Variants in KIAA1217 observed in about 807,000 individuals in gnomAD.
KIAA1217 encodes the protein KIAA1217, also known as sickle tail protein homolog.
In KIAA1217, 88 loss-of-function variants were observed where a neutral mutation model predicts 163.9. The observed-to-expected ratio is 0.54, with a 90% CI of 0.45 to 0.64. The LOEUF is 0.64. Among genes scored for constraint, KIAA1217 ranks in the 30% least tolerant of loss-of-function variants. The probability of loss-of-function intolerance (pLI) is 0.00; values close to 1 mark genes in which losing one functional copy is unlikely to be tolerated. For synonymous variants in KIAA1217, 903 were observed against 923.1 expected, an observed-to-expected ratio of 0.98 and a Z score of 0.39; for missense variants, 2,372 against 2,475.0, an observed-to-expected ratio of 0.96 and a Z score of 0.88.
At chr10:24,501,096 A>AAAC (rs57471437) in intron 8 of KIAA1217, among the ~76,000 whole-genome samples, 11,157 of 151,506 alleles carry the variant, frequency 0.074, 767 homozygotes, top group African/African-American at 0.18. Flanking sequence ...ATAAAAAAAA[A>AAAC]ATAAACAAAA....
chr10:24,482,914 G>A (rs1564768977), intron 6 of KIAA1217: 1 of 152,230 alleles, frequency 6.6e-6, no homozygotes, highest in Non-Finnish European at 1.5e-5. Context: ...TAGGTGCTCA[G>A]GAGGCTAAGG....
In KIAA1217 at chr10:24,407,745, C is replaced by T. The variant is rs535450036; in HGVS notation, c.554-25250C>T. ...ATTTTAGAGTTAGTGTTTTCGAAAGCGTGACCTTGATGGCAGTCCTTAACT... is the reference window on the plus strand; with the variant it reads ...ATTTTAGAGTTAGTGTTTTCGAAAGTGTGACCTTGATGGCAGTCCTTAACT... On this transcript the variant is annotated intron_variant, in intron 3 of 20. Transcript: ENST00000376454. Among the ~76,000 whole-genome samples, 77 of 152,248 alleles carry T rather than the reference C, an allele frequency of 5.1e-4. 1 individual carries two copies. The highest frequency in any genetic ancestry group is 4.6e-3 in the South Asian group (22 of 4,820).
intron 2 of KIAA1217, among the ~76,000 whole-genome samples, chr10:24,360,705 G>T (rs1288671307): frequency 2.0e-5 from 3 of 152,110 alleles, no homozygotes; most frequent in Non-Finnish European, 2.9e-5. Context: ...TAGGTTCAGG[G>T]CACCCCCTTG....
intron 1 of KIAA1217, among the ~76,000 whole-genome samples, chr10:23,857,560 G>C (rs1476628587): frequency 2.6e-5 from 4 of 152,174 alleles, no homozygotes; most frequent in Non-Finnish European, 5.9e-5. Flanking sequence ...CAATCATCTG[G>C]AGAATGACAG....
At chr10:24,455,005 G>T (rs1424122205) in intron 5 of KIAA1217, among the ~76,000 whole-genome samples, 1 of 152,136 alleles carries the variant, frequency 6.6e-6, no homozygotes, top group Non-Finnish European at 1.5e-5. Context: ...CAATCTGAGA[G>T]AACCTCTGCA....
At chr10:24,061,576 C>T (rs940629587) in intron 2 of KIAA1217, among the ~76,000 whole-genome samples, 4 of 152,110 alleles carry the variant, frequency 2.6e-5, no homozygotes, top group African/African-American at 4.8e-5. Context: ...GGCAGGTAAG[C>T]GGTGATAAAC....
chr10:24,337,293 A>G (rs572648398), intron 2 of KIAA1217, among the ~76,000 whole-genome samples: 70 of 152,372 alleles, frequency 4.6e-4, no homozygotes, highest in Admixed American at 1.0e-3. Context: ...ACAAATGTCC[A>G]TTAAGCACAT....
chr10:24,543,171 C>A lies in KIAA1217; in HGVS notation c.3901C>A (p.Leu1301Met). 1 of 1,613,718 alleles carries A rather than the reference C, an allele frequency of 6.2e-7. No homozygotes were observed. Among genetic ancestry groups the A allele is most frequent in the Non-Finnish European group, 8.5e-7 (1 of 1,180,002 alleles). ...TATACCTGACACCGAGAACCAGACG[C>A]TGAATTACGGAAAGACAAAGGAGAT... Reference protein sequence around the residue: ...YSIPDTENQTLNYGKTKEMEK... With the variant: ...YSIPDTENQTMNYGKTKEMEK... The change falls in exon 19 of 21, where the codon CTG (leucine) becomes ATG (methionine). Residue 1301 changes from leucine (L) to methionine (M), a missense_variant. By Grantham distance (15) the Leu-to-Met change is conservative. Transcript: ENST00000376454.
chr10:24,033,763 C>T (rs1446040165), intron 2 of KIAA1217, among the ~76,000 whole-genome samples: 1 of 152,200 alleles, frequency 6.6e-6, no homozygotes, highest in Non-Finnish European at 1.5e-5. Context: ...CAACAAAGTA[C>T]TACCAAATCT....
chr10:23,805,680 A>T (rs983401810), intron 1 of KIAA1217, among the ~76,000 whole-genome samples: 4 of 152,142 alleles, frequency 2.6e-5, no homozygotes, highest in Middle Eastern at 3.2e-3. Context: ...CTTAAAAGTT[A>T]AAAATAGAAT....
At chr10:23,851,702 A>G (rs1839336758) in intron 1 of KIAA1217, among the ~76,000 whole-genome samples, 2 of 152,180 alleles carry the variant, frequency 1.3e-5, no homozygotes, top group Non-Finnish European at 1.5e-5. Context: ...AATGATTGCC[A>G]TTCTAACTGG....
intron 5 of KIAA1217, among the ~76,000 whole-genome samples, chr10:24,440,440 A>G (rs994230941): frequency 1.3e-5 from 2 of 152,082 alleles, no homozygotes; most frequent in African/African-American, 4.8e-5. Context: ...ACATAGAGCC[A>G]TTTCCACACC....
chr10:24,081,635 C>T (rs981216121), intron 2 of KIAA1217, among the ~76,000 whole-genome samples: 4 of 152,126 alleles, frequency 2.6e-5, no homozygotes, highest in Non-Finnish European at 4.4e-5. Flanking sequence ...AATCTTTTGG[C>T]TTCCCTGGGC....
At chr10:24,119,419 C>G (rs55828461) in intron 2 of KIAA1217, among the ~76,000 whole-genome samples, 42 of 152,128 alleles carry the variant, frequency 2.8e-4, no homozygotes, top group Non-Finnish European at 5.4e-4. Flanking sequence ...TTTGAAATTG[C>G]CATGAAATCA....
At chr10:23,963,587 C>G (rs926557983) in intron 1 of KIAA1217, among the ~76,000 whole-genome samples, 1 of 152,132 alleles carries the variant, frequency 6.6e-6, no homozygotes, top group East Asian at 1.9e-4. Flanking sequence ...GAGGTGCATG[C>G]ATCTTTATAG....
At chr10:24,237,974 A>G (rs998947685) in intron 2 of KIAA1217, among the ~76,000 whole-genome samples, 1 of 152,188 alleles carries the variant, frequency 6.6e-6, no homozygotes, top group Non-Finnish European at 1.5e-5. Context: ...CCTGCTATGC[A>G]AAGAGTCATT....
chr10:24,544,112 G>GA lies in KIAA1217; in HGVS notation c.4845dup (p.Gln1616ThrfsTer12). On this transcript the variant is annotated frameshift_variant, in exon 19 of 21. Transcript: ENST00000376454. LOFTEE classifies it high-confidence loss of function. Reference sequence around the variant, plus strand: ...AAGAAGAGGAAGAGGATGGCACCCTGAAACAGCACAAAGAAGCCAAGCGCT... The same window carrying GA: ...AAGAAGAGGAAGAGGATGGCACCCTGAAAACAGCACAAAGAAGCCAAGCGCT... 6.2e-7 allele frequency: 1 copy of GA among 1,614,104 alleles called. No individual in the cohort carries two copies. Among genetic ancestry groups the GA allele is most frequent in the Non-Finnish European group, 8.5e-7 (1 of 1,180,038 alleles).
chr10:24,221,248 C>T (rs2069604254), intron 2 of KIAA1217, among the ~76,000 whole-genome samples: 2 of 151,906 alleles, frequency 1.3e-5, no homozygotes, highest in Non-Finnish European at 2.9e-5. Context: ...AGTTTGGGGT[C>T]ACAGGAGATT....
chr10:24,133,154 G>A (rs924978451), intron 2 of KIAA1217, among the ~76,000 whole-genome samples: 4 of 152,060 alleles, frequency 2.6e-5, no homozygotes, highest in African/African-American at 9.7e-5. Context: ...GCAACCAGCT[G>A]AATTCAGACT....
Sources: allele counts gnomAD v4.1 joint callset (sites outside exome capture counted in the v4.1 genomes callset), GRCh38; gene constraint gnomAD v4.1.1; transcripts MANE v1.5; gene names NCBI Gene and HGNC (gene_info 2026-07-23, HGNC 2026-07-21).